Variants in CLEC16A observed in about 807,000 individuals in gnomAD.
CLEC16A encodes protein CLEC16A.
CLEC16A carries 51 observed loss-of-function variants against 109.5 expected under a neutral mutation model. The observed-to-expected ratio is 0.47, with a 90% CI of 0.37 to 0.59. The LOEUF is 0.59. Among genes scored for constraint, CLEC16A ranks in the 20% least tolerant of loss-of-function variants. The pLI, the probability that CLEC16A is intolerant of heterozygous loss-of-function variation, is 0.00. For synonymous variants in CLEC16A, 673 were observed against 564.2 expected (o/e 1.19, Z -2.73); for missense variants, 1,339 against 1,394.0 (o/e 0.96, Z 0.63).
intron 18 of CLEC16A, among the ~76,000 whole-genome samples, chr16:11,051,901 AC>A (rs1258234739): frequency 6.6e-6 from 1 of 152,228 alleles, no homozygotes; most frequent in Non-Finnish European, 1.5e-5. Flanking sequence ...GTGCAGACAG[AC>A]AAGCCCTGAG....
At chr16:11,157,354 G>A (rs1214612671) in intron 22 of CLEC16A, 2 of 518,972 alleles carry the variant, frequency 3.9e-6, no homozygotes, top group Non-Finnish European at 5.3e-6. Flanking sequence ...GCCCTGGGCT[G>A]GACAGGAAGT....
At chr16:11,038,496 G>A (rs771706681) in intron 13 of CLEC16A, among the ~76,000 whole-genome samples, 3 of 152,202 alleles carry the variant, frequency 2.0e-5, no homozygotes, top group Non-Finnish European at 2.9e-5. Flanking sequence ...GGCAGGAACT[G>A]TTCTAGTAGC....
intron 19 of CLEC16A, among the ~76,000 whole-genome samples, chr16:11,076,218 G>T (rs2049365628): frequency 1.3e-5 from 2 of 152,186 alleles, no homozygotes; most frequent in Admixed American, 6.5e-5. Flanking sequence ...TGTGCCATGT[G>T]TGCCCCCCAT....
chr16:11,020,381 A>G, intron 12 of CLEC16A, 56 bp downstream of exon 12: 1 of 1,529,616 alleles, frequency 6.5e-7, no homozygotes, highest in Non-Finnish European at 8.8e-7. Context: ...GAGAGGGCTC[A>G]GTGGGGAGGT....
intron 19 of CLEC16A, among the ~76,000 whole-genome samples, chr16:11,094,552 CT>C (rs2050496227): frequency 6.6e-6 from 1 of 152,336 alleles, no homozygotes; most frequent in Non-Finnish European, 1.5e-5. Flanking sequence ...ACCTCCCCCC[CT>C]ACAACTTTTT....
At chr16:10,962,691 C>T in intron 3 of CLEC16A, 103 bp downstream of exon 3, 1 of 1,252,132 alleles carries the variant, frequency 8.0e-7, no homozygotes, top group East Asian at 2.3e-5. Flanking sequence ...TCGGCTCAGG[C>T]TATCCTAACA....
intron 19 of CLEC16A, among the ~76,000 whole-genome samples, chr16:11,092,361 A>AACACACACACAC (rs3030566): frequency 0.058 from 7,635 of 132,418 alleles, 301 homozygotes; most frequent in Non-Finnish European, 0.082. Flanking sequence ...AACAAAAACA[A>AACACACACACAC]ACACACACAC....
chr16:11,035,729 T>C (rs891994803), intron 13 of CLEC16A, among the ~76,000 whole-genome samples: 1 of 152,234 alleles, frequency 6.6e-6, no homozygotes, highest in Non-Finnish European at 1.5e-5. Context: ...GCGAAGGCAA[T>C]CTTGTCATCT....
chr16:10,965,026 C>G (rs747843659), intron 3 of CLEC16A, among the ~76,000 whole-genome samples: 4 of 152,210 alleles, frequency 2.6e-5, no homozygotes, highest in African/African-American at 9.7e-5. Context: ...ACCCTTTGAT[C>G]AGCGTCTCCC....
Position 10,962,527 on chromosome 16 carries a change from C to T in CLEC16A, c.282C>T (p.Cys94=), listed in dbSNP as rs1234865350. The change falls in exon 3 of 24, where the codon TGC becomes TGT. Residue 94 remains cysteine (C), a synonymous_variant. Transcript: ENST00000409790. The stretch of plus-strand genomic sequence containing the variant: ...GGCAAAAGTCGGGCCGTTACGTGTG[C>T]GTTCAGCTGCTGCAGACCTTGAACA... ...ILRQKSGRYV[C]VQLLQTLNIL... 3.7e-6 allele frequency: 6 copies of T among 1,613,716 alleles called. No individual in the cohort carries two copies. The highest frequency in any genetic ancestry group is 1.6e-4 in the Middle Eastern group (1 of 6,082).
intron 19 of CLEC16A, among the ~76,000 whole-genome samples, chr16:11,063,697 G>A (rs1043540060): frequency 3.9e-5 from 6 of 152,132 alleles, no homozygotes; most frequent in Non-Finnish European, 5.9e-5. Flanking sequence ...CAGGTCTCTC[G>A]GCTGGGTGTG....
chr16:11,125,178 G>A (rs750717270), intron 21 of CLEC16A, among the ~76,000 whole-genome samples: 3 of 152,112 alleles, frequency 2.0e-5, no homozygotes, highest in East Asian at 1.9e-4. Context: ...CCACGTTGTC[G>A]TCCCCGTCTC....
chr16:11,144,416 G>T (rs1221166866), intron 22 of CLEC16A, among the ~76,000 whole-genome samples: 1 of 152,038 alleles, frequency 6.6e-6, no homozygotes, highest in Non-Finnish European at 1.5e-5. Flanking sequence ...CACAACTTCT[G>T]TGGGACAGCC....
At chr16:11,162,208 G>GC (rs1195181544) in intron 22 of CLEC16A, among the ~76,000 whole-genome samples, 3 of 152,220 alleles carry the variant, frequency 2.0e-5, no homozygotes, top group East Asian at 3.8e-4. Flanking sequence ...TCTGGGCTGC[G>GC]CCCCCCGACC....
chr16:11,111,660 C>G (rs781540510), intron 19 of CLEC16A, among the ~76,000 whole-genome samples: 1 of 152,214 alleles, frequency 6.6e-6, no homozygotes, highest in Non-Finnish European at 1.5e-5. Flanking sequence ...TGCTGTTACA[C>G]CAAGGAGAAG....
At chr16:11,035,905 G>T (rs916534356) in intron 13 of CLEC16A, 3 of 152,402 alleles carry the variant, frequency 2.0e-5, no homozygotes, top group African/African-American at 7.2e-5. Flanking sequence ...TAAAGGCCAT[G>T]GTGGGAAAAA....
chr16:11,120,062 C>T (rs948551943), intron 19 of CLEC16A, among the ~76,000 whole-genome samples: 4 of 152,198 alleles, frequency 2.6e-5, no homozygotes, highest in Non-Finnish European at 4.4e-5. Flanking sequence ...CTCCACCTCC[C>T]AGATACAAGC....
chr16:11,115,113 G>A (rs866978503), intron 19 of CLEC16A, among the ~76,000 whole-genome samples: 2 of 152,134 alleles, frequency 1.3e-5, no homozygotes, highest in Non-Finnish European at 2.9e-5. Context: ...TGAGGGAGTC[G>A]CACTGCCTGG....
At position 11,119,156 on chromosome 16, in the gene CLEC16A, C is replaced by T. The variant is rs747147277; in HGVS notation, c.2117-1459C>T. On this transcript the variant is annotated intron_variant, in intron 19 of 23. Coordinates refer to ENST00000409790, the MANE Select transcript of CLEC16A (RefSeq NM_015226.3). ...CTGGGACTACAGGCACACACCACCA[C>T]GCTCAGCTAATTTTTTTTATTTTTT... Among the ~76,000 whole-genome samples, 5 of 152,136 alleles carry T rather than the reference C, an allele frequency of 3.3e-5. No individual in the cohort carries two copies. In the East Asian group the frequency reaches 5.8e-4, roughly 18 times the overall value.
Sources: allele counts gnomAD v4.1 joint callset (sites outside exome capture counted in the v4.1 genomes callset), GRCh38; gene constraint gnomAD v4.1.1; transcripts MANE v1.5; gene names NCBI Gene and HGNC (gene_info 2026-07-23, HGNC 2026-07-21).